The following SBF2 variants were observed in gnomAD, a reference collection of about 807,000 sequenced individuals.
The protein encoded by SBF2 is SET binding factor 2.
Under a neutral mutation model 225.2 loss-of-function variants are expected in SBF2, and 112 were observed. The ratio of observed to expected loss-of-function variants is 0.50; its 90% CI spans 0.43 to 0.58. SBF2 has a LOEUF of 0.58. Among genes scored for constraint, SBF2 ranks in the 20% least tolerant of loss-of-function variants. The pLI is 0.00. For synonymous variants in SBF2, 763 were observed against 773.3 expected, an observed-to-expected ratio of 0.99 and a Z score of 0.22; for missense variants, 1,996 against 2,206.2, an observed-to-expected ratio of 0.90 and a Z score of 1.91.
At position 9,781,509 on chromosome 11, in the gene SBF2, C is replaced by T. The variant is rs1344751054; in HGVS notation, c.5449G>A (p.Asp1817Asn). ...PKHTSDKAFFDLKTSKRVYNF... is the reference protein window; with the variant it reads ...PKHTSDKAFFNLKTSKRVYNF... ...AAAGAGAAGTAAGATCAACTTACATCAAAGAAAGCCTTGTCACTTGTGTGC... is the reference window on the plus strand; with the variant it reads ...AAAGAGAAGTAAGATCAACTTACATTAAAGAAAGCCTTGTCACTTGTGTGC... The change falls in exon 39 of 40, where the codon GAT (aspartate) becomes AAT (asparagine). Residue 1817 changes from aspartate to asparagine, a missense_variant and splice_region_variant. Transcript: ENST00000256190. The T allele has an allele frequency of 6.2e-7, 1 of 1,614,056 alleles. No homozygotes were observed. Among genetic ancestry groups the T allele is most frequent in the East Asian group, 2.2e-5 (1 of 44,888 alleles).
intron 28 of SBF2, among the ~76,000 whole-genome samples, chr11:9,827,074 G>A (rs1242944783): frequency 6.6e-6 from 1 of 152,150 alleles, no homozygotes; most frequent in East Asian, 1.9e-4. Context: ...CTGACCTCAG[G>A]TGATCTGCTT....
intron 3 of SBF2, among the ~76,000 whole-genome samples, 169 bp downstream of exon 3, chr11:10,042,675 A>G (rs913466055): frequency 6.6e-5 from 10 of 152,218 alleles, no homozygotes; most frequent in South Asian, 4.1e-4. Flanking sequence ...CTGGAAAGTA[A>G]TTTTAACATG....
chr11:10,256,748 G>A (rs890095523), intron 1 of SBF2, among the ~76,000 whole-genome samples: 9 of 152,052 alleles, frequency 5.9e-5, no homozygotes, highest in Non-Finnish European at 1.3e-4. Context: ...ATCCAAAACA[G>A]CAATCTCATC....
intron 2 of SBF2, among the ~76,000 whole-genome samples, chr11:10,079,909 T>G (rs1590910351): frequency 6.6e-6 from 1 of 152,036 alleles, no homozygotes; most frequent in East Asian, 1.9e-4. Flanking sequence ...GCAGAAACCT[T>G]ACAAGCCAGA....
chr11:9,833,258 T>C (rs1464445884), intron 26 of SBF2, among the ~76,000 whole-genome samples: 3 of 152,172 alleles, frequency 2.0e-5, no homozygotes, highest in Non-Finnish European at 4.4e-5. Context: ...CAGGATATGA[T>C]GCTGGGAAAA....
At chr11:10,052,933 G>A (rs1950112777) in intron 2 of SBF2, among the ~76,000 whole-genome samples, 2 of 152,014 alleles carry the variant, frequency 1.3e-5, no homozygotes, top group Non-Finnish European at 2.9e-5. Context: ...AAAAACTTAA[G>A]AAATAAAATG....
rs182246917 is a variant in SBF2, at chr11:9,850,427, T to A, written c.2611-209A>T. Among the ~76,000 whole-genome samples, 280 of 152,238 alleles carry A rather than the reference T, an allele frequency of 1.8e-3. 1 individual carries two copies. The highest frequency in any genetic ancestry group is 6.5e-3 in the African/African-American group (268 of 41,542). ...TGCACCACTATGCCTGGCTTATTTT[T>A]AAATTTTTTTTGTACAGATGGGATC... On this transcript the variant is annotated intron_variant, in intron 21 of 39. Transcript: ENST00000256190.
At chr11:10,143,578 G>A (rs1954749934) in intron 2 of SBF2, among the ~76,000 whole-genome samples, 1 of 152,060 alleles carries the variant, frequency 6.6e-6, no homozygotes, top group African/African-American at 2.4e-5. Context: ...AACAGTAAAT[G>A]AAGAAAAATT....
chr11:10,063,029 C>A (rs1202659975), intron 2 of SBF2, among the ~76,000 whole-genome samples: 1 of 152,094 alleles, frequency 6.6e-6, no homozygotes, highest in Non-Finnish European at 1.5e-5. Context: ...GAGATCATGT[C>A]TTTTGCCGGA....
chr11:10,106,277 G>A (rs1289706658), intron 2 of SBF2, among the ~76,000 whole-genome samples: 1 of 152,040 alleles, frequency 6.6e-6, no homozygotes, highest in East Asian at 1.9e-4. Context: ...ATAAAGAAAA[G>A]ACAGGGAAAA....
At chr11:9,862,944 ACATCTCTCTTT>A (rs538106941) in intron 17 of SBF2, among the ~76,000 whole-genome samples, 60 of 152,270 alleles carry the variant, frequency 3.9e-4, no homozygotes, top group Admixed American at 9.2e-4. Flanking sequence ...TTGTCAAATC[ACATCTCTCTTT>A]CATTCTCTTC....
chr11:10,206,677 T>C (rs766270184), intron 1 of SBF2, among the ~76,000 whole-genome samples: 2 of 151,968 alleles, frequency 1.3e-5, no homozygotes, highest in Non-Finnish European at 2.9e-5. Context: ...ATTATAAAAC[T>C]AAAAAATAAA....
chr11:10,220,752 T>A (rs1249174728), intron 1 of SBF2, among the ~76,000 whole-genome samples: 1 of 152,148 alleles, frequency 6.6e-6, no homozygotes, highest in Non-Finnish European at 1.5e-5. Context: ...TCTGGCCTCA[T>A]ATTTTGACAC....
chr11:10,062,296 G>A (rs1355088556), intron 2 of SBF2, among the ~76,000 whole-genome samples: 3 of 152,052 alleles, frequency 2.0e-5, no homozygotes, highest in African/African-American at 7.2e-5. Flanking sequence ...ATTTCATGAC[G>A]AAGTCACCAA....
chr11:10,157,200 T>C (rs143958184), intron 2 of SBF2, among the ~76,000 whole-genome samples: 5 of 152,304 alleles, frequency 3.3e-5, no homozygotes, highest in African/African-American at 9.6e-5. Context: ...GGCGCTGGAA[T>C]AACTGGCTAG....
chr11:9,938,120 TC>T (rs1277097050), intron 16 of SBF2, among the ~76,000 whole-genome samples: 1 of 151,822 alleles, frequency 6.6e-6, no homozygotes. Flanking sequence ...TGAAACCCCG[TC>T]TCCACTAAAA....
At chr11:10,249,757 CTA>C (rs1960173837) in intron 1 of SBF2, among the ~76,000 whole-genome samples, 1 of 123,738 alleles carries the variant, frequency 8.1e-6, no homozygotes, top group Non-Finnish European at 1.7e-5. Flanking sequence ...CATTGGAATG[CTA>C]TGGGGGAGTC....
intron 17 of SBF2, among the ~76,000 whole-genome samples, chr11:9,874,176 G>GA (rs2134060202): frequency 6.6e-6 from 1 of 152,006 alleles, no homozygotes; most frequent in African/African-American, 2.4e-5. Context: ...AGAGAATCTA[G>GA]AAAAAAACAT....
At position 9,856,462 on chromosome 11, in the gene SBF2, T is replaced by A; in HGVS notation, c.2359A>T (p.Asn787Tyr). Residue 787 changes from asparagine (N) to tyrosine (Y), a missense_variant, in exon 19 of 40, where the codon AAC (asparagine) becomes TAC (tyrosine). By Grantham distance (143) the Asn-to-Tyr change is moderately radical (BLOSUM62 -2). Coordinates refer to ENST00000256190, the MANE Select transcript of SBF2 (RefSeq NM_030962.4). Reference protein sequence around the residue: ...WESGSNSIVTNSIAGSVAESY... With the variant: ...WESGSNSIVTYSIAGSVAESY... ...TGTGTGTTCACATTTTGGTACCTGT[T>A]TGTGACAATGCTGTTGCTTCCGCTC... The A allele has an allele frequency of 6.2e-7, 1 of 1,613,784 alleles. No individual in the cohort carries two copies. The highest frequency in any genetic ancestry group is 8.5e-7 in the Non-Finnish European group (1 of 1,180,018).
Sources: allele counts gnomAD v4.1 joint callset (sites outside exome capture counted in the v4.1 genomes callset), GRCh38; gene constraint gnomAD v4.1.1; transcripts MANE v1.5; gene names NCBI Gene and HGNC (gene_info 2026-07-23, HGNC 2026-07-21).